The following STK3 variants were observed in gnomAD, a reference collection of about 807,000 sequenced individuals.
STK3 encodes serine/threonine kinase 3, also known as serine/threonine-protein kinase 3.
Under a neutral mutation model 58.0 loss-of-function variants are expected in STK3, and 41 were observed. The ratio of observed to expected loss-of-function variants is 0.71; its 90% CI spans 0.55 to 0.92. The LOEUF is 0.92. Among genes scored for constraint, STK3 ranks in the 40% least tolerant of loss-of-function variants. The pLI is 0.00. For synonymous variants in STK3, 170 were observed against 191.0 expected (o/e 0.89, Z 0.91); for missense variants, 479 against 602.7 (o/e 0.79, Z 2.15).
intron 1 of STK3, among the ~76,000 whole-genome samples, chr8:98,443,117 T>C (rs1278907005): frequency 2.0e-5 from 3 of 152,174 alleles, no homozygotes; most frequent in Non-Finnish European, 4.4e-5. Context: ...ACTCCAGAGA[T>C]GTGACTATTT....
intron 1 of STK3, among the ~76,000 whole-genome samples, chr8:98,801,411 C>T (rs372944418): frequency 4.6e-5 from 7 of 152,112 alleles, no homozygotes; most frequent in African/African-American, 9.7e-5. Flanking sequence ...TTTGTTCTTT[C>T]GCTCTTTGCA....
chr8:98,441,453 T>C (rs1366301124), intron 1 of STK3, among the ~76,000 whole-genome samples: 1 of 152,206 alleles, frequency 6.6e-6, no homozygotes, highest in Non-Finnish European at 1.5e-5. Context: ...AGGTGGGCAA[T>C]ATCTTCCTTT....
chr8:98,861,025 A>G (rs971421640), intron 3 of STK3, among the ~76,000 whole-genome samples: 1 of 151,998 alleles, frequency 6.6e-6, no homozygotes, highest in Non-Finnish European at 1.5e-5. Context: ...ACACCACTAC[A>G]CTCCAGCCTG....
At chr8:98,901,221 T>A (rs921443887) in intron 1 of STK3, among the ~76,000 whole-genome samples, 3 of 152,212 alleles carry the variant, frequency 2.0e-5, no homozygotes, top group African/African-American at 7.2e-5. Flanking sequence ...GTTTACTTAC[T>A]TGTAAAATAG....
intron 4 of STK3, among the ~76,000 whole-genome samples, chr8:98,723,149 T>C (rs962228686): frequency 6.6e-6 from 1 of 152,262 alleles, no homozygotes. Flanking sequence ...AATCACATTT[T>C]ATAGTCTGTT....
chr8:98,463,448 G>A (rs1394289324), intron 10 of STK3, among the ~76,000 whole-genome samples: 2 of 151,852 alleles, frequency 1.3e-5, no homozygotes, highest in African/African-American at 4.8e-5. Context: ...TATAAAACAG[G>A]AGCATAAAAA....
At chr8:98,639,204 G>T (rs1819838091) in intron 6 of STK3, among the ~76,000 whole-genome samples, 1 of 151,576 alleles carries the variant, frequency 6.6e-6, no homozygotes, top group Non-Finnish European at 1.5e-5. Context: ...CAACCTCCTG[G>T]GCTCAACCGA....
chr8:98,699,392 C>G (rs1391856486), intron 6 of STK3, among the ~76,000 whole-genome samples: 1 of 152,216 alleles, frequency 6.6e-6, no homozygotes, highest in Non-Finnish European at 1.5e-5. Flanking sequence ...CAGCTTTGTT[C>G]CATTGCTGGT....
At chr8:98,764,611 A>C (rs1444302497) in intron 3 of STK3, among the ~76,000 whole-genome samples, 1 of 152,250 alleles carries the variant, frequency 6.6e-6, no homozygotes, top group African/African-American at 2.4e-5. Flanking sequence ...TGGAATGTTT[A>C]AAACTGGTTT....
intron 4 of STK3, among the ~76,000 whole-genome samples, chr8:98,711,704 C>T (rs945144789): frequency 3.9e-5 from 6 of 152,164 alleles, no homozygotes; most frequent in South Asian, 4.1e-4. Context: ...AGTTGGAAAA[C>T]ACTCCGCAGG....
At chr8:98,464,855 C>G (rs960072447) in intron 10 of STK3, among the ~76,000 whole-genome samples, 4 of 152,104 alleles carry the variant, frequency 2.6e-5, no homozygotes, top group African/African-American at 7.2e-5. Flanking sequence ...GGCAGACCCC[C>G]CTTCCCCAAA....
upstream of STK3, among the ~76,000 whole-genome samples, chr8:98,828,458 A>C (rs978063037): frequency 3.1e-4 from 47 of 150,648 alleles, no homozygotes; most frequent in African/African-American, 1.0e-3. Flanking sequence ...AAAAAAAAAA[A>C]AAAAAAACAA....
chr8:98,414,674 G>T (rs552911730), intron 3 of STK3, among the ~76,000 whole-genome samples: 1 of 152,228 alleles, frequency 6.6e-6, no homozygotes, highest in African/African-American at 2.4e-5. Context: ...TGGCCACACA[G>T]GTAGATAAAT....
intron 6 of STK3, among the ~76,000 whole-genome samples, chr8:98,600,804 T>C (rs1160099526): frequency 6.6e-6 from 1 of 151,986 alleles, no homozygotes; most frequent in Non-Finnish European, 1.5e-5. Context: ...CCATAAAAAC[T>C]GACAAATGTG....
At chr8:98,536,003 A>G (rs138471354) in intron 9 of STK3, among the ~76,000 whole-genome samples, 1,657 of 152,284 alleles carry the variant, frequency 0.011, 25 homozygotes, top group African/African-American at 0.037. Flanking sequence ...AAAGGGGAGA[A>G]GCAGACTACT....
intron 10 of STK3, among the ~76,000 whole-genome samples, chr8:98,522,151 T>C (rs562361280): frequency 4.6e-5 from 7 of 152,272 alleles, no homozygotes; most frequent in African/African-American, 7.2e-5. Context: ...GAGTTAGCCA[T>C]TGGAAAAATA....
chr8:98,774,218 T>G lies in STK3; in HGVS notation c.107+521A>C, dbSNP rs138330297. ...TTGGAAATTCTCCTATACTTTGCCA[T>G]TCCATTAAATGCTCCCTACCTTTCT... On this transcript the variant is annotated intron_variant, in intron 2 of 10. Transcript: ENST00000419617. Among the ~76,000 whole-genome samples, 836 of 152,318 alleles carry G rather than the reference T, an allele frequency of 5.5e-3. 9 individuals are homozygous for G. Among genetic ancestry groups the G allele is most frequent in the African/African-American group, 0.019 (805 of 41,568 alleles).
intron 9 of STK3, among the ~76,000 whole-genome samples, chr8:98,535,166 A>G (rs1809651071): frequency 1.3e-5 from 2 of 152,214 alleles, no homozygotes; most frequent in Admixed American, 1.3e-4. Context: ...TGGTTTCTTT[A>G]GAAACTAACT....
intron 10 of STK3, among the ~76,000 whole-genome samples, chr8:98,470,040 T>C (rs1820800478): frequency 6.6e-6 from 1 of 152,226 alleles, no homozygotes; most frequent in Non-Finnish European, 1.5e-5. Context: ...TGCTAGTACC[T>C]GGTACTAACA....
Sources: gnomAD v4.1 joint callset for allele counts (sites outside exome capture counted in the v4.1 genomes callset) on GRCh38, gnomAD v4.1.1 for gene constraint, MANE v1.5 for transcripts, NCBI Gene and HGNC (gene_info 2026-07-23, HGNC 2026-07-21) for gene names.